Variants in UBASH3B observed in about 807,000 individuals in gnomAD.
UBASH3B encodes ubiquitin-associated and SH3 domain-containing protein B.
In UBASH3B, 37 loss-of-function variants were observed where a neutral mutation model predicts 83.4. The ratio of observed to expected loss-of-function variants is 0.44; its 90% CI spans 0.34 to 0.58. The LOEUF is 0.58. Ranked by LOEUF, UBASH3B falls within the 20% of genes least tolerant of loss-of-function variation. The probability of loss-of-function intolerance (pLI) is 0.01; values close to 1 mark genes in which losing one functional copy is unlikely to be tolerated. For missense variants in UBASH3B, 657 were observed against 827.2 expected, an observed-to-expected ratio of 0.79 and a Z score of 2.52; for synonymous variants, 304 against 318.3, an observed-to-expected ratio of 0.96 and a Z score of 0.48.
At chr11:122,725,328 C>A (rs117682210) in intron 1 of UBASH3B, among the ~76,000 whole-genome samples, 279 of 87,808 alleles carry the variant, frequency 3.2e-3, no homozygotes, top group East Asian at 7.6e-3. Context: ...GCACCATAAA[C>A]AAAAAAAAAA....
chr11:122,771,790 CTAAAA>C (rs1295238916), intron 1 of UBASH3B, among the ~76,000 whole-genome samples: 1 of 132,674 alleles, frequency 7.5e-6, no homozygotes, highest in Non-Finnish European at 1.6e-5. Context: ...CACACACACA[CTAAAA>C]TAATAATCAC....
At chr11:122,762,454 A>G (rs1271621810) in intron 1 of UBASH3B, among the ~76,000 whole-genome samples, 2 of 151,958 alleles carry the variant, frequency 1.3e-5, no homozygotes, top group African/African-American at 4.8e-5. Flanking sequence ...CAGGGCTATC[A>G]CTCTTCTGTT....
intron 3 of UBASH3B, chr11:122,779,244 T>C (rs1295836227): frequency 1.8e-6 from 1 of 552,676 alleles, no homozygotes; most frequent in East Asian, 3.2e-5. Flanking sequence ...TTGGCTGGGT[T>C]CACGGGGGCC....
In UBASH3B at chr11:122,671,754, C is replaced by T. The variant is rs559483511; in HGVS notation, c.161+15544C>T. The stretch of plus-strand genomic sequence containing the variant: ...CGGTGGGACACCAGGAAAACCGCCT[C>T]GGTGAGATGGCCTGCATTGTGCGTG... On this transcript the variant is annotated intron_variant, in intron 1 of 13. Coordinates refer to ENST00000284273, the MANE Select transcript of UBASH3B (RefSeq NM_032873.5). Among the ~76,000 whole-genome samples the T allele has an allele frequency of 7.2e-3, 1,096 of 152,264 alleles. 8 individuals carry two copies. Among genetic ancestry groups the T allele is most frequent in the African/African-American group, 0.023 (957 of 41,556 alleles).
chr11:122,804,010 GCT>G (rs1861298721), intron 11 of UBASH3B, among the ~76,000 whole-genome samples: 1 of 152,064 alleles, frequency 6.6e-6, no homozygotes, highest in Non-Finnish European at 1.5e-5. Flanking sequence ...ACTTTAAGGT[GCT>G]GGGAGAAGCC....
intron 1 of UBASH3B, among the ~76,000 whole-genome samples, chr11:122,736,599 A>G (rs1247970209): frequency 1.3e-5 from 2 of 152,146 alleles, no homozygotes; most frequent in Non-Finnish European, 2.9e-5. Flanking sequence ...CTGAGCATCT[A>G]CCTCATGGCC....
At chr11:122,701,715 C>T (rs1405164057) in intron 1 of UBASH3B, among the ~76,000 whole-genome samples, 1 of 152,084 alleles carries the variant, frequency 6.6e-6, no homozygotes, top group East Asian at 1.9e-4. Flanking sequence ...TTCCTTTTGA[C>T]TCTCCCCTCA....
rs1029189495 is a variant in UBASH3B at position 122,693,776 on chromosome 11, G to T, written c.161+37566G>T. On this transcript the variant is annotated intron_variant, in intron 1 of 13. Coordinates refer to ENST00000284273, the MANE Select transcript of UBASH3B (RefSeq NM_032873.5). ...TAATCCTAACTACTGAGGAGGCTGA[G>T]GCAAGAGAATCTTGAACCCGGGAGG... Among the ~76,000 whole-genome samples the T allele has an allele frequency of 2.0e-5, 3 of 152,174 alleles. No individual in the cohort carries two copies. The South Asian group carries it at 6.2e-4, about 32-fold the overall frequency.
intron 1 of UBASH3B, among the ~76,000 whole-genome samples, chr11:122,734,824 G>GA (rs1367206000): frequency 4.0e-5 from 6 of 148,286 alleles, no homozygotes; most frequent in Admixed American, 4.0e-4. Flanking sequence ...AAAAGAAAAA[G>GA]AAAAAACCCT....
At position 122,759,677 on chromosome 11, in the gene UBASH3B, G is replaced by A. The variant is rs1486529517; in HGVS notation, c.162-16542G>A. Among the ~76,000 whole-genome samples the A allele has an allele frequency of 6.6e-6, 1 of 152,164 alleles. No homozygotes were observed. Among genetic ancestry groups the A allele is most frequent in the Non-Finnish European group, 1.5e-5 (1 of 68,034 alleles). On this transcript the variant is annotated intron_variant, in intron 1 of 13. Coordinates refer to ENST00000284273, the MANE Select transcript of UBASH3B (RefSeq NM_032873.5). The surrounding 1 kb of genome is among the most constrained non-coding windows in gnomAD (Gnocchi z 4.1). ...GAGGAGCCTGCAACCTAGATCCCTT[G>A]CACGTGCAGTTCACAGTAGGGTTTG...
intron 1 of UBASH3B, among the ~76,000 whole-genome samples, chr11:122,730,065 C>G (rs1314777514): frequency 2.0e-5 from 3 of 147,518 alleles, no homozygotes; most frequent in Non-Finnish European, 4.5e-5. Flanking sequence ...GCAGGTGGAT[C>G]ACTTGAAGCC....
Position 122,813,025 on chromosome 11 carries a change from C to A in UBASH3B, c.*3139C>A, listed in dbSNP as rs901082966. On this transcript the variant is annotated 3_prime_UTR_variant, in exon 14 of 14. Coordinates refer to ENST00000284273, the MANE Select transcript of UBASH3B (RefSeq NM_032873.5). ...TGTAGTGAAAGGCTTGGAGGAGTTT[C>A]TACTTTTTATTTTAATTATACTTTA... 1 of 152,520 alleles carries A rather than the reference C, an allele frequency of 6.6e-6. No individual in the cohort carries two copies. The highest frequency in any genetic ancestry group is 2.4e-5 in the African/African-American group (1 of 41,416). The allele number at this position is 152,520 out of a possible 1,614,324, so 9.4% of individuals were successfully genotyped here. A position where few individuals can be genotyped will look rare whatever the true frequency, so the allele number is the denominator to read the frequency against.
rs749627169 is a variant in UBASH3B at position 122,789,180 on chromosome 11, T to G, written c.852T>G (p.Ser284=). 707 of 1,613,980 alleles carry G rather than the reference T, an allele frequency of 4.4e-4. 1 individual carries two copies. Among genetic ancestry groups the G allele is most frequent in the South Asian group, 6.7e-4 (61 of 91,084 alleles). Residue 284 remains serine (S), a synonymous_variant, in exon 6 of 14, where the codon TCT becomes TCG. Coordinates refer to ENST00000284273, the MANE Select transcript of UBASH3B (RefSeq NM_032873.5). The stretch of plus-strand genomic sequence containing the variant: ...TCCCCGGGGACTTCATCTTCATGTC[T>G]CCAATGGAGCAGACCAGCACCAGCG... ...ELVPGDFIFM[S]PMEQTSTSEG...
At chr11:122,746,674 C>T (rs990482833) in intron 1 of UBASH3B, among the ~76,000 whole-genome samples, 8 of 152,038 alleles carry the variant, frequency 5.3e-5, no homozygotes, top group African/African-American at 1.7e-4. Context: ...ATGAGACTTC[C>T]GAAGAGAGCT....
chr11:122,712,071 T>C (rs1257008512), intron 1 of UBASH3B, among the ~76,000 whole-genome samples: 1 of 151,036 alleles, frequency 6.6e-6, no homozygotes, highest in Non-Finnish European at 1.5e-5. Context: ...CTGTTCATCA[T>C]CAAGTAATTC....
intron 1 of UBASH3B, among the ~76,000 whole-genome samples, chr11:122,767,603 G>A (rs12285580): frequency 0.13 from 19,914 of 152,192 alleles, 1,542 homozygotes; most frequent in Middle Eastern, 0.21. Context: ...GAGCCACCAC[G>A]CCCGGCCCCT....
At chr11:122,685,924 T>C (rs1443785042) in intron 1 of UBASH3B, among the ~76,000 whole-genome samples, 2 of 152,190 alleles carry the variant, frequency 1.3e-5, no homozygotes, top group Non-Finnish European at 2.9e-5. Flanking sequence ...GCTGAACAGA[T>C]GATGTTACCA....
intron 1 of UBASH3B, among the ~76,000 whole-genome samples, chr11:122,749,268 T>C (rs1296957800): frequency 6.6e-6 from 1 of 152,268 alleles, no homozygotes; most frequent in African/African-American, 2.4e-5. Context: ...TTATTGCAAA[T>C]GATACTAATC....
intron 1 of UBASH3B, among the ~76,000 whole-genome samples, chr11:122,708,361 G>A (rs1294358680): frequency 2.1e-5 from 3 of 144,644 alleles, no homozygotes; most frequent in African/African-American, 5.0e-5. Flanking sequence ...GCACAATCTC[G>A]GCTCACTGCA....
Sources: gnomAD v4.1 joint callset for allele counts (sites outside exome capture counted in the v4.1 genomes callset) on GRCh38, gnomAD v4.1.1 for gene constraint, Gnocchi (gnomAD v3.1) non-coding constraint, MANE v1.5 for transcripts, NCBI Gene and HGNC (gene_info 2026-07-23, HGNC 2026-07-21) for gene names.